NRXN1: variants seen among roughly 807,000 people sequenced by gnomAD.
The protein encoded by NRXN1 is neurexin 1.
Under a neutral mutation model 150.9 loss-of-function variants are expected in NRXN1, and 39 were observed. The observed-to-expected ratio is 0.26, with a 90% CI of 0.20 to 0.34. NRXN1 has a LOEUF of 0.34. Among genes scored for constraint, NRXN1 ranks in the 10% least tolerant of loss-of-function variants. The pLI, the probability that NRXN1 is intolerant of heterozygous loss-of-function variation, is 1.00. For synonymous variants in NRXN1, 924 were observed against 757.0 expected (o/e 1.22, Z -3.62); for missense variants, 1,815 against 1,949.9 (o/e 0.93, Z 1.30).
At chr2:50,565,275 C>T (rs1669672109) in intron 8 of NRXN1, among the ~76,000 whole-genome samples, 1 of 151,074 alleles carries the variant, frequency 6.6e-6, no homozygotes, top group South Asian at 2.1e-4. Context: ...CAACTAACTC[C>T]TAAAAAAAAA....
chr2:50,104,142 G>C (rs1056926313), intron 18 of NRXN1, among the ~76,000 whole-genome samples: 2 of 151,948 alleles, frequency 1.3e-5, no homozygotes, highest in African/African-American at 4.8e-5. Flanking sequence ...ACTCATTAGT[G>C]GTCATCTACT....
chr2:50,150,810 C>A (rs1481495517), intron 18 of NRXN1, among the ~76,000 whole-genome samples: 2 of 151,594 alleles, frequency 1.3e-5, no homozygotes, highest in East Asian at 3.9e-4. Context: ...GACCATACAC[C>A]CCTGGCCAGA....
At chr2:50,008,184 T>C (rs935818903) in intron 21 of NRXN1, among the ~76,000 whole-genome samples, 2 of 152,164 alleles carry the variant, frequency 1.3e-5, no homozygotes, top group African/African-American at 2.4e-5. Context: ...TTAAATAGCA[T>C]TGATACATGG....
intron 8 of NRXN1, among the ~76,000 whole-genome samples, chr2:50,557,757 T>TTGA (rs1345310776): frequency 6.6e-6 from 1 of 152,202 alleles, no homozygotes; most frequent in East Asian, 1.9e-4. Flanking sequence ...TTACATTGAA[T>TTGA]TGATGGAGCT....
At chr2:50,591,313 A>C (rs1019467751) in intron 8 of NRXN1, among the ~76,000 whole-genome samples, 4 of 152,122 alleles carry the variant, frequency 2.6e-5, no homozygotes, top group African/African-American at 9.7e-5. Flanking sequence ...ATTAGTATAA[A>C]GACTCTGAAG....
chr2:50,508,535 C>T (rs1176377585), intron 12 of NRXN1, among the ~76,000 whole-genome samples: 1 of 151,660 alleles, frequency 6.6e-6, no homozygotes, highest in African/African-American at 2.4e-5. Context: ...GAAAAGAGAA[C>T]ATATCATTTT....
At chr2:50,378,386 A>G (rs919246442) in intron 17 of NRXN1, among the ~76,000 whole-genome samples, 4 of 152,170 alleles carry the variant, frequency 2.6e-5, no homozygotes, top group Non-Finnish European at 5.9e-5. Context: ...CACTTGATCT[A>G]TGGAACACAA....
intron 18 of NRXN1, among the ~76,000 whole-genome samples, chr2:50,106,468 C>G (rs1701655038): frequency 6.6e-6 from 1 of 151,982 alleles, no homozygotes; most frequent in Non-Finnish European, 1.5e-5. Context: ...TTTGGTTGCA[C>G]TGCAATTAGC....
chr2:50,519,609 G>A (rs1478877286), intron 12 of NRXN1, among the ~76,000 whole-genome samples: 1 of 151,916 alleles, frequency 6.6e-6, no homozygotes, highest in Admixed American at 6.6e-5. Flanking sequence ...TTATGTCTCT[G>A]TGCCTGTTTC....
chr2:50,728,803 G>T (rs1419889562), intron 5 of NRXN1, among the ~76,000 whole-genome samples: 30 of 152,112 alleles, frequency 2.0e-4, no homozygotes, highest in Admixed American at 2.0e-3. Context: ...TAAATAAGCA[G>T]TATTTTATTT....
intron 21 of NRXN1, among the ~76,000 whole-genome samples, chr2:50,008,588 C>T (rs995247988): frequency 6.6e-6 from 1 of 151,202 alleles, no homozygotes; most frequent in South Asian, 2.1e-4. Context: ...TTCCTTCCTC[C>T]CTAGAAAAGT....
chr2:50,227,911 A>G (rs1407507696), intron 18 of NRXN1, among the ~76,000 whole-genome samples: 1 of 152,092 alleles, frequency 6.6e-6, no homozygotes, highest in Non-Finnish European at 1.5e-5. Context: ...AGTTTGTTGT[A>G]AGTTTAAAAG....
At chr2:50,273,916 A>G (rs1042360249) in intron 17 of NRXN1, among the ~76,000 whole-genome samples, 3 of 152,176 alleles carry the variant, frequency 2.0e-5, no homozygotes, top group African/African-American at 7.2e-5. Flanking sequence ...GAAGGCTTTT[A>G]TACTGTTGGT....
chr2:50,810,183 C>A (rs1668020408), intron 5 of NRXN1, among the ~76,000 whole-genome samples: 3 of 152,120 alleles, frequency 2.0e-5, no homozygotes, highest in Admixed American at 6.6e-5. Context: ...AACATGAGGT[C>A]CAACTAATTC....
intron 5 of NRXN1, among the ~76,000 whole-genome samples, chr2:50,835,749 A>G: frequency 6.6e-6 from 1 of 152,330 alleles, no homozygotes; most frequent in Middle Eastern, 3.4e-3. Flanking sequence ...ATGCAAGTAT[A>G]CATACTGTGT....
intron 5 of NRXN1, among the ~76,000 whole-genome samples, chr2:50,810,260 G>C (rs1668031596): frequency 6.6e-6 from 1 of 152,076 alleles, no homozygotes; most frequent in Non-Finnish European, 1.5e-5. Flanking sequence ...ACTACCATTG[G>C]ATCATTTAAT....
At chr2:50,967,932 T>G (rs1575080830) in intron 2 of NRXN1, among the ~76,000 whole-genome samples, 1 of 152,056 alleles carries the variant, frequency 6.6e-6, no homozygotes, top group African/African-American at 2.4e-5. Context: ...TGGCATAGCA[T>G]AGAGCTCATG....
At chr2:49,961,328 A>C (rs1558588329) in intron 21 of NRXN1, among the ~76,000 whole-genome samples, 2 of 151,784 alleles carry the variant, frequency 1.3e-5, no homozygotes, top group Admixed American at 6.6e-5. Context: ...ATGCACACAC[A>C]CACACACACA....
At chr2:50,641,705 A>C (rs912295244) in intron 5 of NRXN1, among the ~76,000 whole-genome samples, 1 of 152,072 alleles carries the variant, frequency 6.6e-6, no homozygotes, top group Admixed American at 6.6e-5. Context: ...GGGAAGAATA[A>C]TTTAACTTCT....
Sources: allele counts gnomAD v4.1 joint callset (sites outside exome capture counted in the v4.1 genomes callset), GRCh38; gene constraint gnomAD v4.1.1; transcripts MANE v1.5; gene names NCBI Gene and HGNC (gene_info 2026-07-23, HGNC 2026-07-21).